Variants in ARHGEF33 observed in about 807,000 individuals in gnomAD.
The protein encoded by ARHGEF33 is DH and coiled-coil domain-containing protein ENSP00000381780.
A neutral mutation model predicts 101.9 loss-of-function variants in ARHGEF33; 72 were observed. The observed-to-expected ratio is 0.71, with a 90% confidence interval of 0.58 to 0.86. The LOEUF (loss-of-function observed/expected upper bound fraction) is 0.86. ARHGEF33 is among the 40% of genes least tolerant of loss of function. The probability of loss-of-function intolerance (pLI) is 0.00; values close to 1 mark genes in which losing one functional copy is unlikely to be tolerated. For missense variants in ARHGEF33, 1,169 were observed against 1,111.3 expected (o/e 1.05, Z -0.74); for synonymous variants, 499 against 442.5 (o/e 1.13, Z -1.60).
chr2:38,967,027 G>A (rs1226756481), intron 17 of ARHGEF33, among the ~76,000 whole-genome samples: 1 of 152,186 alleles, frequency 6.6e-6, no homozygotes, highest in African/African-American at 2.4e-5. Flanking sequence ...TAAATAACAA[G>A]TCTTCATATT....
intron 17 of ARHGEF33, among the ~76,000 whole-genome samples, chr2:38,969,193 C>T (rs1026321246): frequency 3.3e-5 from 5 of 152,144 alleles, no homozygotes; most frequent in Admixed American, 6.5e-5. Flanking sequence ...TTTCCTCCTG[C>T]GTGTCAGGAG....
At chr2:38,944,521 A>T (rs548648262) in intron 10 of ARHGEF33, among the ~76,000 whole-genome samples, 1 of 152,180 alleles carries the variant, frequency 6.6e-6, no homozygotes, top group Non-Finnish European at 1.5e-5. Context: ...TTTCCAGCAC[A>T]TGAATTTTGG....
At chr2:38,957,863 C>A in intron 14 of ARHGEF33, 171 bp from the exon 15 acceptor site, 1 of 732,214 alleles carries the variant, frequency 1.4e-6, no homozygotes, top group Non-Finnish European at 2.2e-6. Context: ...CTAGTCCTGC[C>A]AGCTTGCACC....
intron 4 of ARHGEF33, 156 bp from the exon 5 acceptor site, chr2:38,928,751 G>T (rs1446802483): frequency 1.0e-5 from 6 of 577,900 alleles, no homozygotes; most frequent in Non-Finnish European, 1.5e-5. Flanking sequence ...ATGGGGCCAG[G>T]GTTGTCTTAA....
At chr2:38,961,947 G>A (rs1170634840) in intron 16 of ARHGEF33, among the ~76,000 whole-genome samples, 1 of 152,152 alleles carries the variant, frequency 6.6e-6, no homozygotes, top group Non-Finnish European at 1.5e-5. Context: ...CCATGTCAAA[G>A]TGGTGGAAAT....
At chr2:38,920,622 G>A (rs942688602) in intron 3 of ARHGEF33, among the ~76,000 whole-genome samples, 1 of 151,790 alleles carries the variant, frequency 6.6e-6, no homozygotes, top group African/African-American at 2.4e-5. Flanking sequence ...TGGCCAAGCT[G>A]GTCTTGAACT....
intron 15 of ARHGEF33, 112 bp from the exon 16 acceptor site, chr2:38,959,729 G>A: frequency 1.7e-6 from 2 of 1,185,562 alleles, no homozygotes; most frequent in South Asian, 3.4e-5. Flanking sequence ...GAGCTCGGGA[G>A]GTGGCATGCA....
Position 38,959,857 on chromosome 2 carries a change from G to A in ARHGEF33, c.1552G>A (p.Val518Met). The change falls in exon 16 of 18, where the codon GTG becomes ATG. Residue 518 changes from valine (V) to methionine (M), a missense_variant. Coordinates refer to ENST00000409978, the MANE Select transcript of ARHGEF33 (RefSeq NM_001145451.5). ...GPAITHLMPPVKKSQQQQSLM... is the reference protein window; with the variant it reads ...GPAITHLMPPMKKSQQQQSLM... ...CCCCTAAAGACATCTGATGCCCCCA[G>A]TGAAGAAAAGCCAACAGCAGCAAAG... 6.5e-7 allele frequency: 1 copy of A among 1,549,472 alleles called. No individual in the cohort carries two copies.
At chr2:38,898,881 A>C (rs975164544) in intron 2 of ARHGEF33, among the ~76,000 whole-genome samples, 2 of 152,190 alleles carry the variant, frequency 1.3e-5, no homozygotes, top group Non-Finnish European at 2.9e-5. Flanking sequence ...ACATTTTTGA[A>C]ATACAAAGAA....
chr2:38,910,115 A>G (rs1666476796), intron 2 of ARHGEF33, among the ~76,000 whole-genome samples: 1 of 152,144 alleles, frequency 6.6e-6, no homozygotes, highest in African/African-American at 2.4e-5. Context: ...CCTTCCTGTG[A>G]TATTATGCTG....
At chr2:38,966,794 G>C (rs1432995019) in intron 17 of ARHGEF33, among the ~76,000 whole-genome samples, 1 of 152,224 alleles carries the variant, frequency 6.6e-6, no homozygotes, top group African/African-American at 2.4e-5. Context: ...GGTCAGCACT[G>C]TCTTACAGTC....
Position 38,932,274 on chromosome 2 carries a change from G to A in ARHGEF33, c.505+1023G>A, listed in dbSNP as rs562330747. Among the ~76,000 whole-genome samples the A allele has an allele frequency of 1.1e-4, 17 of 152,028 alleles. No individual in the cohort carries two copies. In the East Asian group the frequency reaches 2.3e-3, roughly 21 times the overall value. ...CTCCCAAGCAGCTGGGTCTACAGGCGTCACCATGCACGGCTAATTTTTTGT... is the reference window on the plus strand; with the variant it reads ...CTCCCAAGCAGCTGGGTCTACAGGCATCACCATGCACGGCTAATTTTTTGT... On this transcript the variant is annotated intron_variant, in intron 7 of 17. Transcript: ENST00000409978.
chr2:38,945,830 A>G (rs1159421687), intron 10 of ARHGEF33, among the ~76,000 whole-genome samples: 1 of 152,224 alleles, frequency 6.6e-6, no homozygotes, highest in Non-Finnish European at 1.5e-5. Context: ...TTCACGAAAT[A>G]TTTAGCAGAA....
rs541184909 is a variant in ARHGEF33 at position 38,921,266 on chromosome 2, C to A, written c.26-108C>A. The A allele has an allele frequency of 1.6e-5, 11 of 704,102 alleles. No individual in the cohort carries two copies. The East Asian group carries it at 2.8e-4, about 18-fold the overall frequency. The allele number at this position is 704,102 out of a possible 1,614,324, so 43.6% of individuals were successfully genotyped here. ...CTGGAATCATTGGTTTCTTGTCGTG[C>A]GGGCACAAATGTAGGATCCTGTAAG... On this transcript the variant is annotated intron_variant, in intron 3 of 17. Coordinates refer to ENST00000409978, the MANE Select transcript of ARHGEF33 (RefSeq NM_001145451.5).
chr2:38,927,279 G>A (rs1274351151), intron 4 of ARHGEF33, among the ~76,000 whole-genome samples: 6 of 152,218 alleles, frequency 3.9e-5, no homozygotes, highest in Non-Finnish European at 7.3e-5. Context: ...ACTGTATAGT[G>A]AGTGGGAGGT....
Position 38,937,540 on chromosome 2 carries a change from A to G in ARHGEF33, c.771A>G (p.Leu257=). 1.3e-6 allele frequency: 2 copies of G among 1,541,482 alleles called. No individual in the cohort carries two copies. The highest frequency in any genetic ancestry group is 1.8e-6 in the Non-Finnish European group (2 of 1,138,450). Residue 257 remains leucine, a synonymous_variant, in exon 9 of 18, where the codon TTA becomes TTG. Transcript: ENST00000409978. ...GACACAGCTCCTTGGAAAACGTTTT[A>G]TGTGAAACCTCCTTAGCTGGTAAGT... ...QGRHSSLENV[L]CETSLAAKRQ...
intron 10 of ARHGEF33, among the ~76,000 whole-genome samples, chr2:38,946,806 A>G (rs956443765): frequency 1.3e-5 from 2 of 152,080 alleles, no homozygotes; most frequent in Non-Finnish European, 2.9e-5. Flanking sequence ...TTATATTTTT[A>G]GTAGAGATTA....
chr2:38,938,817 A>G (rs1667223381), intron 9 of ARHGEF33, among the ~76,000 whole-genome samples: 1 of 152,198 alleles, frequency 6.6e-6, no homozygotes, highest in Non-Finnish European at 1.5e-5. Flanking sequence ...ACTTCATGTA[A>G]ATGGAATAAC....
chr2:38,953,007 A>G (rs928198572), intron 11 of ARHGEF33, among the ~76,000 whole-genome samples, 155 bp from the exon 12 acceptor site: 1 of 152,230 alleles, frequency 6.6e-6, no homozygotes, highest in African/African-American at 2.4e-5. Context: ...TCTAAGATTA[A>G]TTCTTTAAAG....
Sources: allele counts gnomAD v4.1 joint callset (sites outside exome capture counted in the v4.1 genomes callset), GRCh38; gene constraint gnomAD v4.1.1; transcripts MANE v1.5; gene names NCBI Gene and HGNC (gene_info 2026-07-23, HGNC 2026-07-21).